Variants in CCDC180 observed in about 807,000 individuals in gnomAD.
CCDC180 encodes coiled-coil domain containing 180.
A neutral mutation model predicts 209.2 loss-of-function variants in CCDC180; 154 were observed. The ratio of observed to expected loss-of-function variants is 0.74; its 90% CI spans 0.65 to 0.84. CCDC180 has a LOEUF of 0.84. Ranked by LOEUF, CCDC180 falls within the 40% of genes least tolerant of loss-of-function variation. CCDC180 has a pLI of 0.00. For missense variants in CCDC180, 1,874 were observed against 1,997.3 expected, an observed-to-expected ratio of 0.94 and a Z score of 1.18; for synonymous variants, 778 against 749.1, an observed-to-expected ratio of 1.04 and a Z score of -0.63.
intron 17 of CCDC180, 45 bp from the exon 18 acceptor site, chr9:97,330,277 T>C: frequency 1.2e-6 from 2 of 1,611,552 alleles, no homozygotes; most frequent in Non-Finnish European, 1.7e-6. Flanking sequence ...CCAGGCAGCA[T>C]CAGTAAATTG....
At position 97,330,412 on chromosome 9, in the gene CCDC180, T is replaced by TA. The variant is rs781463947; in HGVS notation, c.1921dup (p.Ser641LysfsTer2). ...GACATGACCAGAAGTGAGGAAAGCATAAGTAGTGGGACAAGTACTGCCAGG... is the reference window on the plus strand; with the variant it reads ...GACATGACCAGAAGTGAGGAAAGCATAAAGTAGTGGGACAAGTACTGCCAGG... On this transcript the variant is annotated frameshift_variant, in exon 18 of 37. Transcript: ENST00000529487. LOFTEE classifies it high-confidence loss of function. 6.2e-7 allele frequency: 1 copy of TA among 1,613,912 alleles called. No homozygotes were observed. Among genetic ancestry groups the TA allele is most frequent in the Admixed American group, 1.7e-5 (1 of 60,002 alleles).
chr9:97,332,679 G>A (rs1825788256), intron 18 of CCDC180, among the ~76,000 whole-genome samples: 1 of 152,132 alleles, frequency 6.6e-6, no homozygotes, highest in Admixed American at 6.5e-5. Context: ...CGGCTTAGAT[G>A]TTGTTGGTGT....
chr9:97,375,075 C>G (rs1827210690), intron 35 of CCDC180, among the ~76,000 whole-genome samples: 1 of 152,180 alleles, frequency 6.6e-6, no homozygotes, highest in Admixed American at 6.5e-5. Context: ...AGAAGCAGAG[C>G]AGTGATTTGC....
intron 11 of CCDC180, among the ~76,000 whole-genome samples, chr9:97,321,031 G>C (rs1371387979): frequency 6.6e-6 from 1 of 152,140 alleles, no homozygotes; most frequent in African/African-American, 2.4e-5. Flanking sequence ...TGGCAATGCT[G>C]GGCAACGGTG....
chr9:97,364,962 A>C (rs1332511259), intron 29 of CCDC180, among the ~76,000 whole-genome samples: 1 of 152,224 alleles, frequency 6.6e-6, no homozygotes, highest in Non-Finnish European at 1.5e-5. Context: ...GTCCTGTGTC[A>C]AAAGATAAAC....
chr9:97,374,550 GC>G lies in CCDC180; in HGVS notation c.4614del (p.Lys1539AsnfsTer17), dbSNP rs1423532083. The G allele has an allele frequency of 1.9e-6, 3 of 1,613,584 alleles. No homozygotes were observed. Among genetic ancestry groups the G allele is most frequent in the East Asian group, 2.2e-5 (1 of 44,866 alleles). On this transcript the variant is annotated frameshift_variant, in exon 35 of 37. Transcript: ENST00000529487. LOFTEE classifies it high-confidence loss of function. Reference sequence around the variant, plus strand: ...CCTGTCTTTTGCCTCTAGGGATGGAGCCCCCCAAACAGAAATTATCAATGCT... The same window carrying G: ...CCTGTCTTTTGCCTCTAGGGATGGAGCCCCCAAACAGAAATTATCAATGCT... ...IDDVQVARME[P>X]PKQKLSMLIR... is the part of the protein sequence containing the mutation.
intron 5 of CCDC180, among the ~76,000 whole-genome samples, chr9:97,314,142 C>T (rs563454086): frequency 7.2e-5 from 11 of 152,352 alleles, no homozygotes; most frequent in South Asian, 2.1e-4. Flanking sequence ...GAGGGCCAAC[C>T]GTAGGCTAGG....
chr9:97,349,675 A>C (rs945784340), intron 21 of CCDC180, among the ~76,000 whole-genome samples: 1 of 152,136 alleles, frequency 6.6e-6, no homozygotes, highest in African/African-American at 2.4e-5. Context: ...GAATTCCACA[A>C]TCAGTGAAAG....
chr9:97,311,960 C>T (rs921745951), intron 3 of CCDC180, among the ~76,000 whole-genome samples, 153 bp from the exon 4 acceptor site: 3 of 152,140 alleles, frequency 2.0e-5, no homozygotes, highest in African/African-American at 7.2e-5. Context: ...AGCCTGGGCA[C>T]TGCCTCAGGG....
intron 31 of CCDC180, 187 bp from the exon 32 acceptor site, chr9:97,369,735 C>T: frequency 1.8e-6 from 1 of 566,310 alleles, no homozygotes. Context: ...GCCACTGCAG[C>T]TGGCTAACCC....
intron 10 of CCDC180, among the ~76,000 whole-genome samples, chr9:97,318,845 A>G (rs752540963): frequency 2.7e-4 from 41 of 152,346 alleles, no homozygotes; most frequent in Middle Eastern, 3.4e-3. Context: ...GAGCAGGCAC[A>G]GATCAGAGCA....
chr9:97,309,755 A>T (rs761762906), intron 3 of CCDC180, 151 bp downstream of exon 3: 4 of 592,430 alleles, frequency 6.8e-6, no homozygotes, highest in Non-Finnish European at 1.1e-5. Context: ...ACCTTGCAGG[A>T]TGGTTTGCTT....
At position 97,367,177 on chromosome 9, in the gene CCDC180, TGTATA is replaced by T. The variant is rs3052474; in HGVS notation, c.4189+482_4189+486del. ...TTCTTTACTTTCATGAGAATAGAAT[TGTATA>T]GTATGTAGTCTTTGGGACTGGCTTA... On this transcript the variant is annotated intron_variant, in intron 31 of 36. Coordinates refer to ENST00000529487, the MANE Select transcript of CCDC180 (RefSeq NM_020893.6). 8.1e-3 allele frequency among the ~76,000 whole-genome samples: 1,239 copies of T among 152,364 alleles called. 13 individuals are homozygous for T. The highest frequency in any genetic ancestry group is 0.028 in the African/African-American group (1,164 of 41,584).
At chr9:97,312,287 C>G in intron 4 of CCDC180, 86 bp downstream of exon 4, 5 of 1,158,638 alleles carry the variant, frequency 4.3e-6, no homozygotes, top group Non-Finnish European at 5.1e-6. Flanking sequence ...CTGGCAACTC[C>G]TCTGAGGAAG....
intron 35 of CCDC180, among the ~76,000 whole-genome samples, chr9:97,375,000 G>A (rs1389718997): frequency 3.3e-5 from 5 of 152,190 alleles, no homozygotes; most frequent in African/African-American, 9.7e-5. Flanking sequence ...CCAGCTGTCC[G>A]TCATGTGTGA....
In CCDC180 at chr9:97,365,666, G is replaced by A; in HGVS notation, c.3981-7G>A. 3 of 1,613,804 alleles carry A rather than the reference G, an allele frequency of 1.9e-6. No individual in the cohort carries two copies. Among genetic ancestry groups the A allele is most frequent in the African/African-American group, 1.3e-5 (1 of 75,036 alleles). Reference sequence around the variant, plus strand: ...CCCCTCAGGGATCTGTCTCGTGTGTGTTGCAGGGATTTTAAGGGGATCATC... The same window carrying A: ...CCCCTCAGGGATCTGTCTCGTGTGTATTGCAGGGATTTTAAGGGGATCATC... On this transcript the variant is annotated splice_polypyrimidine_tract_variant and splice_region_variant and intron_variant, in intron 29 of 36. Transcript: ENST00000529487.
intron 20 of CCDC180, 41 bp from the exon 21 acceptor site, chr9:97,349,070 A>G (rs751008631): frequency 4.0e-6 from 6 of 1,518,002 alleles, no homozygotes; most frequent in Non-Finnish European, 2.6e-6. Flanking sequence ...GCTGAGGTGA[A>G]TCGGGTCCCC....
Position 97,349,102 on chromosome 9 carries a change from C to G in CCDC180, c.2675-9C>G. 1 of 1,534,390 alleles carries G rather than the reference C, an allele frequency of 6.5e-7. No individual in the cohort carries two copies. The highest frequency in any genetic ancestry group is 1.2e-5 in the South Asian group (1 of 83,890). Reference sequence around the variant, plus strand: ...CCCCGGGGCCCCAGCTCTCTTAATCCTTTTTCAGCCGAGCTTTTGCTTCAT... The same window carrying G: ...CCCCGGGGCCCCAGCTCTCTTAATCGTTTTTCAGCCGAGCTTTTGCTTCAT... On this transcript the variant is annotated splice_polypyrimidine_tract_variant and intron_variant, in intron 20 of 36. Transcript: ENST00000529487.
In CCDC180 at chr9:97,317,065, G is replaced by A. The variant is rs760900831; in HGVS notation, c.796G>A (p.Val266Ile). The change falls in exon 9 of 37, where the codon GTC (valine) becomes ATC (isoleucine). Residue 266 changes from valine to isoleucine, a missense_variant and splice_region_variant. Coordinates refer to ENST00000529487, the MANE Select transcript of CCDC180 (RefSeq NM_020893.6). ...VYRLINEEAM[V>I]MNYALLGNRK... ...GAGCCCTGCCCATCTGTGACCACAG[G>A]TCATGAACTATGCCCTGCTGGGCAA... The A allele has an allele frequency of 1.4e-5, 22 of 1,610,674 alleles. No individual in the cohort carries two copies. Among genetic ancestry groups the A allele is most frequent in the Non-Finnish European group, 1.9e-5 (22 of 1,177,910 alleles).
Sources: allele counts gnomAD v4.1 joint callset (sites outside exome capture counted in the v4.1 genomes callset), GRCh38; gene constraint gnomAD v4.1.1; transcripts MANE v1.5; gene names NCBI Gene and HGNC (gene_info 2026-07-23, HGNC 2026-07-21).